The following SPECC1L variants were observed in gnomAD, a reference collection of about 807,000 sequenced individuals.
The protein encoded by SPECC1L is cytospin-A.
A neutral mutation model predicts 116.8 loss-of-function variants in SPECC1L; 40 were observed. The ratio of observed to expected loss-of-function variants is 0.34; its 90% CI spans 0.27 to 0.45. The LOEUF (loss-of-function observed/expected upper bound fraction) is 0.45. SPECC1L is among the 20% of genes least tolerant of loss of function. The pLI is 1.00. For missense variants in SPECC1L, 1,110 were observed against 1,373.6 expected (o/e 0.81, Z 3.03); for synonymous variants, 504 against 500.6 (o/e 1.01, Z -0.09).
intron 14 of SPECC1L, among the ~76,000 whole-genome samples, chr22:24,374,075 C>T (rs2041923073): frequency 6.6e-6 from 1 of 152,032 alleles, no homozygotes; most frequent in Non-Finnish European, 1.5e-5. Context: ...CAATGAGATA[C>T]CATCTCACAC....
chr22:24,290,915 C>T (rs1401565604), intron 2 of SPECC1L, among the ~76,000 whole-genome samples: 1 of 152,142 alleles, frequency 6.6e-6, no homozygotes, highest in Non-Finnish European at 1.5e-5. Flanking sequence ...TTTTGATTGG[C>T]TTTTGGTAAG....
rs149597515 is a variant in SPECC1L, at chr22:24,321,582, A to G, written c.602A>G (p.His201Arg). Residue 201 changes from histidine to arginine, a missense_variant, in exon 5 of 17, where the codon CAT becomes CGT. Coordinates refer to ENST00000314328, the MANE Select transcript of SPECC1L (RefSeq NM_015330.6). ...LAKTKDVEIL[H>R]LRNELRDMRA... ...AAAACCAAAGACGTAGAAATTTTAC[A>G]TTTGAGAAATGAACTGCGAGACATG... The G allele has an allele frequency of 1.9e-6, 3 of 1,614,112 alleles. No individual in the cohort carries two copies. The highest frequency in any genetic ancestry group is 1.7e-5 in the Admixed American group (1 of 60,016).
At chr22:24,293,277 AACCCGTCTCT>A (rs1299385653) in intron 2 of SPECC1L, among the ~76,000 whole-genome samples, 1 of 152,120 alleles carries the variant, frequency 6.6e-6, no homozygotes, top group Non-Finnish European at 1.5e-5. Context: ...AACATAGTTA[AACCCGTCTCT>A]ACTACAAGTA....
chr22:24,320,171 G>A (rs960777194), intron 4 of SPECC1L, among the ~76,000 whole-genome samples: 15 of 152,172 alleles, frequency 9.9e-5, no homozygotes, highest in African/African-American at 3.1e-4. Flanking sequence ...AGCTACTTGG[G>A]AGGCCTAGGA....
intron 11 of SPECC1L, among the ~76,000 whole-genome samples, chr22:24,359,357 A>ACT (rs1180332567): frequency 1.3e-5 from 2 of 151,666 alleles, no homozygotes; most frequent in South Asian, 2.1e-4. Context: ...TTTCTTCTGC[A>ACT]CTCTCTCTCT....
chr22:24,313,544 C>G (rs2040500980), intron 4 of SPECC1L, 78 bp downstream of exon 4: 1 of 1,530,946 alleles, frequency 6.5e-7, no homozygotes, highest in African/African-American at 1.4e-5. Context: ...TTACAGTGTT[C>G]CATCTAATTA....
At chr22:24,300,636 C>A (rs2049358868) in intron 2 of SPECC1L, among the ~76,000 whole-genome samples, 1 of 152,158 alleles carries the variant, frequency 6.6e-6, no homozygotes, top group Admixed American at 6.5e-5. Context: ...CCAGCATCTG[C>A]TGTTTCTTGA....
chr22:24,324,558 A>G (rs1016714323), intron 6 of SPECC1L, 131 bp downstream of exon 6: 5 of 830,272 alleles, frequency 6.0e-6, no homozygotes, highest in African/African-American at 5.1e-5. Flanking sequence ...TGGGAGTTCA[A>G]AACCGAACCA....
intron 14 of SPECC1L, among the ~76,000 whole-genome samples, chr22:24,387,239 C>G (rs922061361): frequency 2.6e-5 from 4 of 152,236 alleles, no homozygotes; most frequent in Non-Finnish European, 4.4e-5. Context: ...TAAACTGTTG[C>G]AACATGCAGC....
intron 14 of SPECC1L, among the ~76,000 whole-genome samples, chr22:24,372,064 A>T (rs911572387): frequency 6.6e-6 from 1 of 152,206 alleles, no homozygotes; most frequent in African/African-American, 2.4e-5. Context: ...AAGAGGAAAG[A>T]TCTCAAAGCA....
intron 4 of SPECC1L, among the ~76,000 whole-genome samples, chr22:24,317,781 C>T (rs1168734989): frequency 2.7e-5 from 4 of 150,624 alleles, no homozygotes; most frequent in African/African-American, 4.9e-5. Context: ...GGCTGCTGGG[C>T]GGAGGGGCTC....
At position 24,391,623 on chromosome 22, in the gene SPECC1L, G is replaced by A. The variant is rs141872451; in HGVS notation, c.3088-19965G>A. ...ATTTTTCAGAGCTGCATTCAGGACCGGTACATTTGGATTTGGAAAGAGAAT... is the reference window on the plus strand; with the variant it reads ...ATTTTTCAGAGCTGCATTCAGGACCAGTACATTTGGATTTGGAAAGAGAAT... On this transcript the variant is annotated intron_variant, in intron 14 of 16. Coordinates refer to ENST00000314328, the MANE Select transcript of SPECC1L (RefSeq NM_015330.6). 2.2e-3 allele frequency among the ~76,000 whole-genome samples: 341 copies of A among 152,244 alleles called. 6 individuals are homozygous for A. The highest frequency in any genetic ancestry group is 2.4e-3 in the Non-Finnish European group (161 of 68,018).
chr22:24,377,357 G>A (rs180709256), intron 14 of SPECC1L, among the ~76,000 whole-genome samples: 196 of 152,138 alleles, frequency 1.3e-3, no homozygotes, highest in African/African-American at 4.5e-3. Flanking sequence ...TCCCAGGCTG[G>A]TCTCAAGTGA....
chr22:24,318,645 T>C (rs28595888), intron 4 of SPECC1L, among the ~76,000 whole-genome samples: 1 of 152,028 alleles, frequency 6.6e-6, no homozygotes, highest in South Asian at 2.1e-4. Flanking sequence ...CCCAGCCAGG[T>C]GCGATGGTGC....
At chr22:24,352,408 T>C (rs2041443901) in intron 11 of SPECC1L, among the ~76,000 whole-genome samples, 1 of 152,214 alleles carries the variant, frequency 6.6e-6, no homozygotes, top group South Asian at 2.1e-4. Flanking sequence ...CTCAGGCATA[T>C]AGATGTCTTA....
intron 2 of SPECC1L, among the ~76,000 whole-genome samples, chr22:24,278,057 T>C (rs2048871233): frequency 6.6e-6 from 1 of 152,116 alleles, no homozygotes; most frequent in African/African-American, 2.4e-5. Flanking sequence ...GGTATACTTT[T>C]TAAAAAGTGG....
At chr22:24,366,854 C>T (rs114708576) in intron 13 of SPECC1L, among the ~76,000 whole-genome samples, 1,805 of 152,094 alleles carry the variant, frequency 0.012, 37 homozygotes, top group African/African-American at 0.041. Flanking sequence ...ATTTAGCATA[C>T]GTTGTTTATA....
At chr22:24,288,615 C>CTTT (rs756714389) in intron 2 of SPECC1L, among the ~76,000 whole-genome samples, 723 of 61,680 alleles carry the variant, frequency 0.012, 142 homozygotes, top group Middle Eastern at 0.019. Context: ...AAATTTTAAG[C>CTTT]TTTTTTTTTT....
At chr22:24,372,248 T>C (rs372301650) in intron 14 of SPECC1L, among the ~76,000 whole-genome samples, 1 of 151,974 alleles carries the variant, frequency 6.6e-6, no homozygotes, top group East Asian at 1.9e-4. Context: ...TTCCAATCAA[T>C]AGAAAAAGAG....
Sources: gnomAD v4.1 joint callset for allele counts (sites outside exome capture counted in the v4.1 genomes callset) on GRCh38, gnomAD v4.1.1 for gene constraint, MANE v1.5 for transcripts, NCBI Gene and HGNC (gene_info 2026-07-23, HGNC 2026-07-21) for gene names.